The following PREX2 variants were observed in gnomAD, a reference collection of about 807,000 sequenced individuals.
PREX2 encodes the protein phosphatidylinositol-3,4,5-trisphosphate dependent Rac exchange factor 2, also known as phosphatidylinositol 3,4,5-trisphosphate-dependent Rac exchanger 2 protein.
A neutral mutation model predicts 203.2 loss-of-function variants in PREX2; 107 were observed. That is an observed-to-expected ratio of 0.53 (90% confidence interval 0.45 to 0.62). The LOEUF (loss-of-function observed/expected upper bound fraction) is 0.62. Among genes scored for constraint, PREX2 ranks in the 20% least tolerant of loss-of-function variants. The pLI is 0.00. For missense variants in PREX2, 1,777 were observed against 1,955.9 expected, an observed-to-expected ratio of 0.91 and a Z score of 1.72; for synonymous variants, 672 against 663.6, an observed-to-expected ratio of 1.01 and a Z score of -0.19.
At chr8:68,151,603 A>AAT (rs1811436337) in intron 34 of PREX2, among the ~76,000 whole-genome samples, 1 of 152,132 alleles carries the variant, frequency 6.6e-6, no homozygotes, top group African/African-American at 2.4e-5. Context: ...CAGGTCTTTG[A>AAT]ATATATATAG....
At chr8:68,040,108 A>G (rs1298912255) in intron 7 of PREX2, among the ~76,000 whole-genome samples, 4 of 152,082 alleles carry the variant, frequency 2.6e-5, no homozygotes, top group African/African-American at 9.7e-5. Flanking sequence ...AGCTCTCTAC[A>G]ACCTTGAACT....
chr8:68,046,801 A>G (rs1808365503), intron 8 of PREX2, among the ~76,000 whole-genome samples: 1 of 152,048 alleles, frequency 6.6e-6, no homozygotes, highest in South Asian at 2.1e-4. Context: ...CTACAAGGTC[A>G]CTTAAAGAAT....
intron 11 of PREX2, 117 bp downstream of exon 11, chr8:68,060,896 C>A: frequency 1.5e-6 from 1 of 682,976 alleles, no homozygotes; most frequent in South Asian, 2.0e-5. Flanking sequence ...TTGTTTTTAA[C>A]AATATTTTCA....
chr8:68,096,133 C>G (rs1563542998), intron 21 of PREX2, among the ~76,000 whole-genome samples: 2 of 152,038 alleles, frequency 1.3e-5, no homozygotes. Flanking sequence ...CAAAACAGGA[C>G]AAATCTCAGG....
chr8:68,047,591 A>C (rs1008232219), intron 8 of PREX2, among the ~76,000 whole-genome samples: 1 of 148,836 alleles, frequency 6.7e-6, no homozygotes. Flanking sequence ...GGTGGTGAGG[A>C]GTCTCATTAT....
chr8:68,205,112 C>A (rs1380860590), intron 37 of PREX2, among the ~76,000 whole-genome samples: 1 of 152,140 alleles, frequency 6.6e-6, no homozygotes, highest in Non-Finnish European at 1.5e-5. Flanking sequence ...AATGATCAAT[C>A]ATATTGAAAG....
At chr8:68,005,584 T>A (rs1563495955) in intron 1 of PREX2, among the ~76,000 whole-genome samples, 1 of 152,218 alleles carries the variant, frequency 6.6e-6, no homozygotes, top group Admixed American at 6.5e-5. Context: ...TACATACCCC[T>A]CTTTCACTCC....
At chr8:68,170,095 C>T (rs1811845981) in intron 35 of PREX2, among the ~76,000 whole-genome samples, 1 of 152,138 alleles carries the variant, frequency 6.6e-6, no homozygotes, top group African/African-American at 2.4e-5. Context: ...AAGATCTTCC[C>T]AGAGCCAGTG....
At position 68,027,166 on chromosome 8, in the gene PREX2, G is replaced by T. The variant is rs914529197; in HGVS notation, c.442-56G>T. The T allele has an allele frequency of 1.3e-5, 17 of 1,303,648 alleles. No individual in the cohort carries two copies. In the African/African-American group the frequency reaches 2.2e-4, roughly 17 times the overall value. 80.8% of individuals were successfully genotyped at this position (1,303,648 alleles called of 1,614,324 possible). ...TTTTAGCATTTTATGGTGGAAGAAAGTTTCACAGCGTGAGATTATTAAAGA... is the reference window on the plus strand; with the variant it reads ...TTTTAGCATTTTATGGTGGAAGAAATTTTCACAGCGTGAGATTATTAAAGA... On this transcript the variant is annotated intron_variant, in intron 4 of 39. Coordinates refer to ENST00000288368, the MANE Select transcript of PREX2 (RefSeq NM_024870.4).
In PREX2 at chr8:68,053,265, C is replaced by T. The variant is rs73267965; in HGVS notation, c.1093+19C>T. 0.022 allele frequency: 35,732 copies of T among 1,610,868 alleles called. 4,039 individuals are homozygous for T. In the African/African-American group the frequency reaches 0.31, roughly 14 times the overall value. On this transcript the variant is annotated intron_variant, in intron 9 of 39. Transcript: ENST00000288368. ...CGGAAAGGTGGGTGTATGAATTGGG[C>T]GCTGTTACACTTTGTGAAGACTCTA... is the stretch of plus-strand genomic sequence containing the variant.
chr8:68,048,004 T>C (rs78004667), intron 8 of PREX2, among the ~76,000 whole-genome samples: 1 of 152,082 alleles, frequency 6.6e-6, no homozygotes, highest in Non-Finnish European at 1.5e-5. Flanking sequence ...ATTTAAATGA[T>C]GGTATGATGT....
At position 68,053,228 on chromosome 8, in the gene PREX2, G is replaced by C; in HGVS notation, c.1075G>C (p.Glu359Gln). 8 of 1,613,574 alleles carry C rather than the reference G, an allele frequency of 5.0e-6. No individual in the cohort carries two copies. Among genetic ancestry groups the C allele is most frequent in the Non-Finnish European group, 5.1e-6 (6 of 1,179,634 alleles). ...KHEWFEAILK[E>Q]RERRKGLKLG... ...TGAATGGTTTGAAGCTATTTTGAAA[G>C]AAAGAGAACGGCGGAAAGGTGGGTG... Residue 359 changes from glutamate to glutamine, a missense_variant, in exon 9 of 40, where the codon GAA (glutamate) becomes CAA (glutamine). Glu to Gln is a conservative substitution (Grantham distance 29). Coordinates refer to ENST00000288368, the MANE Select transcript of PREX2 (RefSeq NM_024870.4).
intron 32 of PREX2, among the ~76,000 whole-genome samples, chr8:68,136,340 A>G (rs997567967): frequency 2.0e-5 from 3 of 152,172 alleles, no homozygotes; most frequent in Admixed American, 6.5e-5. Context: ...GAGGTTGCTA[A>G]GGAAAGAAAA....
At chr8:68,052,090 GA>G (rs928173272) in intron 8 of PREX2, among the ~76,000 whole-genome samples, 6 of 151,758 alleles carry the variant, frequency 4.0e-5, no homozygotes, top group African/African-American at 1.5e-4. Context: ...GATCATCTGA[GA>G]AAAAAAAGAA....
chr8:68,111,260 A>G (rs1810528600), intron 25 of PREX2, among the ~76,000 whole-genome samples: 1 of 152,118 alleles, frequency 6.6e-6, no homozygotes, highest in Non-Finnish European at 1.5e-5. Flanking sequence ...TGTTATTGCT[A>G]TTTTGGGATG....
At chr8:67,966,564 C>G (rs1017062827) in intron 1 of PREX2, among the ~76,000 whole-genome samples, 1 of 152,008 alleles carries the variant, frequency 6.6e-6, no homozygotes, top group African/African-American at 2.4e-5. Context: ...GAGTTCAAAT[C>G]TAGCCTGGGC....
intron 35 of PREX2, among the ~76,000 whole-genome samples, chr8:68,168,826 A>G (rs1811812921): frequency 6.6e-6 from 1 of 152,062 alleles, no homozygotes; most frequent in Non-Finnish European, 1.5e-5. Context: ...TTAATAACCG[A>G]GTGCCTTTTT....
intron 14 of PREX2, among the ~76,000 whole-genome samples, chr8:68,075,446 T>C (rs570214657): frequency 6.6e-6 from 1 of 152,318 alleles, no homozygotes; most frequent in African/African-American, 2.4e-5. Flanking sequence ...TCATGTACCC[T>C]CTAAAGCTCT....
At chr8:68,055,516 ACT>A (rs1808650850) in intron 9 of PREX2, among the ~76,000 whole-genome samples, 1 of 151,996 alleles carries the variant, frequency 6.6e-6, no homozygotes, top group Admixed American at 6.6e-5. Flanking sequence ...TGCGGATCTA[ACT>A]CTGAGCAAGG....
Sources: gnomAD v4.1 joint callset for allele counts (sites outside exome capture counted in the v4.1 genomes callset) on GRCh38, gnomAD v4.1.1 for gene constraint, MANE v1.5 for transcripts, NCBI Gene and HGNC (gene_info 2026-07-23, HGNC 2026-07-21) for gene names.